The following FBXO16 variants were observed in gnomAD, a reference collection of about 807,000 sequenced individuals.
FBXO16 encodes the protein F-box protein 16, also known as F-box only protein 16.
Under a neutral mutation model 41.0 loss-of-function variants are expected in FBXO16, and 31 were observed. The ratio of observed to expected loss-of-function variants is 0.76; its 90% CI spans 0.57 to 1.02. The LOEUF is 1.02. Among genes scored for constraint, FBXO16 ranks in the 50% least tolerant of loss-of-function variants. The probability of loss-of-function intolerance (pLI) is 0.00; values close to 1 mark genes in which losing one functional copy is unlikely to be tolerated. For synonymous variants in FBXO16, 133 were observed against 117.8 expected (o/e 1.13, Z -0.84); for missense variants, 361 against 346.2 (o/e 1.04, Z -0.34).
At chr8:28,445,575 A>G (rs1227904896) in intron 7 of FBXO16, among the ~76,000 whole-genome samples, 3 of 152,098 alleles carry the variant, frequency 2.0e-5, no homozygotes, top group Admixed American at 1.3e-4. Context: ...TAAGCCTCAT[A>G]AAGTTATTTT....
At chr8:28,488,790 A>G (rs1803642925) in intron 1 of FBXO16, among the ~76,000 whole-genome samples, 1 of 152,178 alleles carries the variant, frequency 6.6e-6, no homozygotes. Context: ...ACTGACAGCT[A>G]CAGGATCCAG....
In FBXO16 at chr8:28,460,225, GTA is replaced by G. The variant is rs771679568; in HGVS notation, c.343-3297_343-3296del. On this transcript the variant is annotated intron_variant, in intron 4 of 8. Coordinates refer to ENST00000380254, the MANE Select transcript of FBXO16 (RefSeq NM_172366.4). ...TACAGTAACAAATATATATGTGTGTGTATATATATATATATATATATTTTTTT... is the reference window on the plus strand; with the variant it reads ...TACAGTAACAAATATATATGTGTGTGTATATATATATATATATATTTTTTT... Among the ~76,000 whole-genome samples the G allele has an allele frequency of 1.8e-3, 135 of 75,214 alleles. 1 individual carries two copies. The highest frequency in any genetic ancestry group is 0.02 in the Middle Eastern group (2 of 98). The allele number at this position is 75,214 out of a possible 152,430, so 49.3% of individuals were successfully genotyped here.
intron 4 of FBXO16, among the ~76,000 whole-genome samples, chr8:28,461,024 T>G (rs1439359104): frequency 1.3e-5 from 2 of 151,700 alleles, no homozygotes; most frequent in Non-Finnish European, 2.9e-5. Flanking sequence ...CAAGCCACTG[T>G]GCCTGGCCGT....
intron 2 of FBXO16, among the ~76,000 whole-genome samples, chr8:28,475,418 C>A (rs1372600730): frequency 6.6e-6 from 1 of 152,174 alleles, no homozygotes; most frequent in Non-Finnish European, 1.5e-5. Context: ...TAACTGCCAC[C>A]TGGGCTACCA....
chr8:28,459,623 AAATAAT>A (rs57120891), intron 4 of FBXO16, among the ~76,000 whole-genome samples: 5,338 of 137,828 alleles, frequency 0.039, 142 homozygotes, highest in African/African-American at 0.065. Context: ...CCTGTCTCAA[AAATAAT>A]AATAATAATA....
chr8:28,462,720 T>C (rs1329878960), intron 4 of FBXO16, among the ~76,000 whole-genome samples: 2 of 152,232 alleles, frequency 1.3e-5, no homozygotes, highest in East Asian at 3.8e-4. Context: ...TAAAATAATT[T>C]AACTTCACTT....
intron 1 of FBXO16, among the ~76,000 whole-genome samples, chr8:28,487,032 C>T (rs1279117201): frequency 1.3e-5 from 2 of 152,038 alleles, no homozygotes; most frequent in African/African-American, 4.8e-5. Context: ...AACCATGTGA[C>T]TGATCCTAGG....
chr8:28,486,292 T>A (rs1361885608), intron 1 of FBXO16, among the ~76,000 whole-genome samples: 4 of 151,296 alleles, frequency 2.6e-5, no homozygotes, highest in Non-Finnish European at 5.9e-5. Context: ...TGGTGCGATC[T>A]TGGCTCACTG....
At chr8:28,485,158 A>G (rs538001640) in intron 1 of FBXO16, among the ~76,000 whole-genome samples, 1 of 152,260 alleles carries the variant, frequency 6.6e-6, no homozygotes, top group African/African-American at 2.4e-5. Context: ...AAATGACCCC[A>G]CAGCAACAGA....
intron 2 of FBXO16, 103 bp from the exon 3 acceptor site, chr8:28,473,910 T>C: frequency 1.2e-6 from 1 of 862,488 alleles, no homozygotes; most frequent in Non-Finnish European, 1.8e-6. Context: ...ACATTCATTG[T>C]ATCAACTGAA....
At chr8:28,477,558 T>A (rs917319949) in intron 2 of FBXO16, among the ~76,000 whole-genome samples, 1 of 152,260 alleles carries the variant, frequency 6.6e-6, no homozygotes, top group African/African-American at 2.4e-5. Context: ...CTTTGTTTAC[T>A]TATATGTATG....
chr8:28,431,568 G>C (rs897968574), intron 7 of FBXO16, among the ~76,000 whole-genome samples: 2 of 152,164 alleles, frequency 1.3e-5, no homozygotes, highest in African/African-American at 4.8e-5. Flanking sequence ...TCCCTTGGCT[G>C]TGAATCCACC....
chr8:28,463,778 G>A lies in FBXO16; in HGVS notation c.176C>T (p.Thr59Ile). The stretch of plus-strand genomic sequence containing the variant: ...CAGCGAGCAGCGCTCCAACAGGCCT[G>A]TGAGGATTCTTCTTCTTTGAGAGTC... ...WTDSQRRRIL[T>I]GLLERCSLSQ... Residue 59 changes from threonine to isoleucine, a missense_variant, in exon 4 of 9, where the codon ACA (threonine) becomes ATA (isoleucine). Thr to Ile is a moderately conservative substitution (Grantham distance 89). Transcript: ENST00000380254. The A allele has an allele frequency of 6.8e-6, 11 of 1,614,042 alleles. No homozygotes were observed. The highest frequency in any genetic ancestry group is 1.3e-5 in the African/African-American group (1 of 75,058).
rs183969693 is a variant in FBXO16, at chr8:28,433,951, C to G, written c.844-4548G>C. On this transcript the variant is annotated intron_variant, in intron 7 of 8. Transcript: ENST00000380254. ...TGTCTACAGACCTGTGTTTTTCACT[C>G]CCTGATTTTTTTTTTTTTTTTTTTT... Among the ~76,000 whole-genome samples, 8 of 143,234 alleles carry G rather than the reference C, an allele frequency of 5.6e-5. No homozygotes were observed. In the East Asian group the frequency reaches 1.6e-3, roughly 28 times the overall value. The allele number at this position is 143,234 out of a possible 152,430, so 94.0% of individuals were successfully genotyped here.
At chr8:28,486,373 A>G (rs1803602399) in intron 1 of FBXO16, among the ~76,000 whole-genome samples, 1 of 151,514 alleles carries the variant, frequency 6.6e-6, no homozygotes, top group Non-Finnish European at 1.5e-5. Flanking sequence ...TACAGGTATG[A>G]GCCACCAGGC....
chr8:28,447,648 T>C (rs1247273814), intron 6 of FBXO16: 1 of 167,006 alleles, frequency 6.0e-6, no homozygotes, highest in East Asian at 1.6e-4. Context: ...TATTTACTTG[T>C]ACTTTTTAAA....
chr8:28,477,499 C>T (rs1456652604), intron 2 of FBXO16, among the ~76,000 whole-genome samples: 2 of 152,274 alleles, frequency 1.3e-5, no homozygotes, highest in East Asian at 3.9e-4. Flanking sequence ...GAAGGTAAAA[C>T]TGGTACAGCT....
intron 3 of FBXO16, among the ~76,000 whole-genome samples, chr8:28,470,067 A>G (rs1183277879): frequency 1.3e-5 from 2 of 150,202 alleles, no homozygotes. Context: ...GGTGGTGGGC[A>G]CCTGTAGTCC....
rs553978892 is a variant in FBXO16, at chr8:28,435,192, C to T, written c.844-5789G>A. Among the ~76,000 whole-genome samples the T allele has an allele frequency of 5.6e-5, 8 of 141,870 alleles. No homozygotes were observed. In the East Asian group the frequency reaches 8.4e-4, roughly 15 times the overall value. 93.1% of individuals were successfully genotyped at this position (141,870 alleles called of 152,430 possible). ...GCAGATTTTTTTTTTTTTTTTGAGA[C>T]GGAGTTTCACTCTTGTTGCCCAGGC... On this transcript the variant is annotated intron_variant, in intron 7 of 8. Transcript: ENST00000380254.
Sources: allele counts gnomAD v4.1 joint callset (sites outside exome capture counted in the v4.1 genomes callset), GRCh38; gene constraint gnomAD v4.1.1; transcripts MANE v1.5; gene names NCBI Gene and HGNC (gene_info 2026-07-23, HGNC 2026-07-21).